Variants in DLG1 observed in about 807,000 individuals in gnomAD.
DLG1 encodes discs large MAGUK scaffold protein 1.
DLG1 carries 42 observed loss-of-function variants against 123.4 expected under a neutral mutation model. The observed-to-expected ratio is 0.34, with a 90% CI of 0.27 to 0.44. The LOEUF is 0.44. Among genes scored for constraint, DLG1 ranks in the 20% least tolerant of loss-of-function variants. The pLI is 1.00. For synonymous variants in DLG1, 317 were observed against 356.2 expected, an observed-to-expected ratio of 0.89 and a Z score of 1.24; for missense variants, 942 against 1,082.6, an observed-to-expected ratio of 0.87 and a Z score of 1.82.
intron 8 of DLG1, among the ~76,000 whole-genome samples, 162 bp downstream of exon 8, chr3:197,139,978 G>C (rs1282757401): frequency 6.6e-6 from 1 of 152,188 alleles, no homozygotes; most frequent in African/African-American, 2.4e-5. Context: ...ACAATGCTTA[G>C]AGCATAATTA....
At chr3:197,161,650 G>C in intron 5 of DLG1, 1 of 1,516,964 alleles carries the variant, frequency 6.6e-7, no homozygotes. Flanking sequence ...CTGTGGTATG[G>C]TGGGTAGGAT....
intron 4 of DLG1, among the ~76,000 whole-genome samples, chr3:197,211,551 A>G (rs376992782): frequency 6.8e-6 from 1 of 146,364 alleles, no homozygotes; most frequent in African/African-American, 2.4e-5. Flanking sequence ...TCAAACACAC[A>G]ATGAGATACC....
intron 24 of DLG1, among the ~76,000 whole-genome samples, chr3:197,050,459 T>G (rs1025335386): frequency 6.6e-6 from 1 of 152,022 alleles, no homozygotes; most frequent in Non-Finnish European, 1.5e-5. Flanking sequence ...TGCATGCATA[T>G]GGTATATATA....
At chr3:197,066,199 T>C (rs1037382148) in intron 20 of DLG1, among the ~76,000 whole-genome samples, 1 of 152,116 alleles carries the variant, frequency 6.6e-6, no homozygotes, top group African/African-American at 2.4e-5. Context: ...ATCCCAGTAG[T>C]AGCATTCTAG....
chr3:197,091,795 G>A (rs1431823896), intron 14 of DLG1, among the ~76,000 whole-genome samples: 1 of 151,908 alleles, frequency 6.6e-6, no homozygotes, highest in Non-Finnish European at 1.5e-5. Flanking sequence ...ATAACAAATT[G>A]CAGACAACTA....
rs1259494814 is a variant in DLG1 at position 197,107,821 on chromosome 3, C to T, written c.1444-2816G>A. 2.7e-3 allele frequency among the ~76,000 whole-genome samples: 368 copies of T among 135,620 alleles called. 1 individual carries two copies. The highest frequency in any genetic ancestry group is 8.9e-3 in the African/African-American group (323 of 36,384). 89.0% of individuals were successfully genotyped at this position (135,620 alleles called of 152,430 possible). On this transcript the variant is annotated intron_variant, in intron 13 of 24. Coordinates refer to ENST00000667157, the MANE Select transcript of DLG1 (RefSeq NM_001366207.1). ...CTGGTAGCCTTTTTTTTTTTTTAAT[C>T]TTGCCTAATTTCTAGAACCTCCAGG...
intron 14 of DLG1, among the ~76,000 whole-genome samples, chr3:197,098,458 T>C (rs1173837009): frequency 6.6e-6 from 1 of 152,232 alleles, no homozygotes; most frequent in African/African-American, 2.4e-5. Context: ...ACTGAAGAGC[T>C]AAGTCAATTC....
intron 20 of DLG1, 118 bp downstream of exon 20, chr3:197,066,582 CATGT>C (rs777832435): frequency 1.9e-6 from 1 of 539,702 alleles, no homozygotes; most frequent in Non-Finnish European, 3.3e-6. Context: ...TAAATTTCTA[CATGT>C]ATATGTAGTA....
At chr3:197,257,742 T>C (rs982471801) in intron 4 of DLG1, among the ~76,000 whole-genome samples, 1 of 152,186 alleles carries the variant, frequency 6.6e-6, no homozygotes, top group East Asian at 1.9e-4. Flanking sequence ...GAACACGAAA[T>C]GCCCTCAGCT....
At chr3:197,054,714 G>A (rs993339540) in intron 23 of DLG1, among the ~76,000 whole-genome samples, 2 of 151,012 alleles carry the variant, frequency 1.3e-5, no homozygotes, top group African/African-American at 4.9e-5. Context: ...GTGTGATCTC[G>A]GCTCACTGCA....
chr3:197,277,755 T>A (rs1051629847), intron 4 of DLG1, among the ~76,000 whole-genome samples: 53 of 152,202 alleles, frequency 3.5e-4, no homozygotes, highest in Admixed American at 3.2e-3. Flanking sequence ...TTTAAGTCTA[T>A]ATCCTTTCTT....
At chr3:197,220,336 G>A (rs1006601540) in intron 4 of DLG1, among the ~76,000 whole-genome samples, 4 of 151,964 alleles carry the variant, frequency 2.6e-5, no homozygotes, top group African/African-American at 7.2e-5. Flanking sequence ...TAAAACGTAC[G>A]ACTTTCCATT....
rs116716531 is a variant in DLG1, at chr3:197,155,256, T to C, written c.484-5460A>G. Among the ~76,000 whole-genome samples the C allele has an allele frequency of 6.4e-3, 973 of 152,300 alleles. 6 individuals are homozygous for C. Among genetic ancestry groups the C allele is most frequent in the African/African-American group, 0.022 (908 of 41,548 alleles). ...CACATCAGACACTCTGGAGGTCATA[T>C]GGCAGTGGGTGGAAATACTCACTGC... is the stretch of plus-strand genomic sequence containing the variant. On this transcript the variant is annotated intron_variant, in intron 5 of 24. Transcript: ENST00000667157.
At chr3:197,185,031 C>T (rs1714989910) in intron 5 of DLG1, among the ~76,000 whole-genome samples, 1 of 152,252 alleles carries the variant, frequency 6.6e-6, no homozygotes, top group South Asian at 2.1e-4. Flanking sequence ...AGTTTGAGAA[C>T]CACAAACTCC....
chr3:197,195,781 C>T (rs551008932), intron 4 of DLG1, among the ~76,000 whole-genome samples: 3 of 152,108 alleles, frequency 2.0e-5, no homozygotes, highest in South Asian at 4.2e-4. Context: ...TGGTACTATG[C>T]TTACTACCTT....
intron 13 of DLG1, among the ~76,000 whole-genome samples, chr3:197,109,442 A>G (rs1231413167): frequency 2.0e-5 from 3 of 152,254 alleles, no homozygotes; most frequent in Non-Finnish European, 4.4e-5. Context: ...TTGTCATATT[A>G]ATTTTATGTT....
Position 197,296,474 on chromosome 3 carries a change from G to A in DLG1, c.23C>T (p.Thr8Ile), listed in dbSNP as rs1159618844. The change falls in exon 3 of 25, where the codon ACC (threonine) becomes ATC (isoleucine). Residue 8 changes from threonine (T) to isoleucine (I), a missense_variant. Thr to Ile is a moderately conservative substitution (Grantham distance 89, BLOSUM62 -1). Coordinates refer to ENST00000667157, the MANE Select transcript of DLG1 (RefSeq NM_001366207.1). MPVRKQDTQRALHLLEEY... is the reference protein window; with the variant it reads MPVRKQDIQRALHLLEEY... Reference sequence around the variant, plus strand: ...CTCCAAAAGGTGCAATGCTCTCTGGGTATCTGAGAAGAAAAAGCAGAGCCT... The same window carrying A: ...CTCCAAAAGGTGCAATGCTCTCTGGATATCTGAGAAGAAAAAGCAGAGCCT... The A allele has an allele frequency of 1.2e-6, 2 of 1,612,976 alleles. No individual in the cohort carries two copies. Among genetic ancestry groups the A allele is most frequent in the African/African-American group, 1.3e-5 (1 of 74,858 alleles).
At chr3:197,288,719 CAAAAAAAAA>C (rs1214430122) in intron 3 of DLG1, among the ~76,000 whole-genome samples, 1 of 61,914 alleles carries the variant, frequency 1.6e-5, no homozygotes, top group African/African-American at 6.3e-5. Context: ...GAAACTGTCT[CAAAAAAAAA>C]AAAAAAAAAA....
intron 9 of DLG1, 25 bp from the exon 10 acceptor site, chr3:197,136,703 C>A: frequency 1.3e-6 from 2 of 1,581,532 alleles, no homozygotes; most frequent in South Asian, 1.2e-5. Context: ...GTTCTAGATT[C>A]TCATCCATAA....
Sources: allele counts gnomAD v4.1 joint callset (sites outside exome capture counted in the v4.1 genomes callset), GRCh38; gene constraint gnomAD v4.1.1; transcripts MANE v1.5; gene names NCBI Gene and HGNC (gene_info 2026-07-23, HGNC 2026-07-21).